Variants in TXNDC16 observed in about 807,000 individuals in gnomAD.
TXNDC16 encodes the protein thioredoxin domain containing 16.
A neutral mutation model predicts 85.6 loss-of-function variants in TXNDC16; 74 were observed. The observed-to-expected ratio is 0.86, with a 90% CI of 0.72 to 1.05. The LOEUF (loss-of-function observed/expected upper bound fraction) is 1.05, where lower values mean the gene tolerates loss of function less well. TXNDC16 is among the 50% of genes least tolerant of loss of function. TXNDC16 has a pLI of 0.00. For synonymous variants in TXNDC16, 335 were observed against 326.5 expected, an observed-to-expected ratio of 1.03 and a Z score of -0.28; for missense variants, 959 against 947.0, an observed-to-expected ratio of 1.01 and a Z score of -0.17.
intron 16 of TXNDC16, among the ~76,000 whole-genome samples, chr14:52,466,990 A>G (rs1236757550): frequency 6.6e-6 from 1 of 152,026 alleles, no homozygotes; most frequent in Non-Finnish European, 1.5e-5. Flanking sequence ...AGTCAATAGA[A>G]AAAAAAACAA....
chr14:52,548,547 G>T (rs1209813773), intron 1 of TXNDC16, among the ~76,000 whole-genome samples: 2 of 152,150 alleles, frequency 1.3e-5, no homozygotes, highest in African/African-American at 2.4e-5. Context: ...ATAGCCTCCA[G>T]TGGTATACCG....
At chr14:52,461,521 A>G (rs2035652394) in intron 16 of TXNDC16, among the ~76,000 whole-genome samples, 1 of 152,224 alleles carries the variant, frequency 6.6e-6, no homozygotes, top group South Asian at 2.1e-4. Context: ...ATTATGACAC[A>G]GGTACCCTCC....
chr14:52,540,408 C>T lies in TXNDC16; in HGVS notation c.243+1963G>A, dbSNP rs574909249. Among the ~76,000 whole-genome samples the T allele has an allele frequency of 2.6e-4, 40 of 152,024 alleles. No individual in the cohort carries two copies. The Middle Eastern group carries it at 0.01, about 39-fold the overall frequency. On this transcript the variant is annotated intron_variant, in intron 4 of 20. Transcript: ENST00000281741. ...GGGAGGCTGAGGCAGGAGGAACACC[C>T]GAAGTCAGGAGTTTGAGACCAGCCT...
chr14:52,447,604 G>A (rs1025502252), intron 18 of TXNDC16, among the ~76,000 whole-genome samples: 1 of 152,124 alleles, frequency 6.6e-6, no homozygotes, highest in Non-Finnish European at 1.5e-5. Flanking sequence ...GAAAGTAAGA[G>A]AAGAGAACAC....
chr14:52,541,625 G>A (rs1379074493), intron 4 of TXNDC16, among the ~76,000 whole-genome samples: 2 of 152,170 alleles, frequency 1.3e-5, no homozygotes, highest in Non-Finnish European at 2.9e-5. Flanking sequence ...GACCAAGAGC[G>A]ACCATAGCCA....
chr14:52,457,294 G>A, intron 16 of TXNDC16, 120 bp from the exon 17 acceptor site: 1 of 533,238 alleles, frequency 1.9e-6, no homozygotes, highest in Non-Finnish European at 3.2e-6. Context: ...AAATATTTAA[G>A]TGCAGATGTC....
intron 3 of TXNDC16, 78 bp from the exon 4 acceptor site, chr14:52,542,531 GATTC>G: frequency 1.0e-6 from 1 of 981,000 alleles, no homozygotes. Context: ...ACACAGAATA[GATTC>G]ATTTGTCCAA....
In TXNDC16 at chr14:52,515,683, G is replaced by A. The variant is rs943942119; in HGVS notation, c.515-713C>T. ...ATTTCATACATATGTGTGTGTGTGT[G>A]TGTGTGTGTGTGTGTGTGTGTGTGT... On this transcript the variant is annotated intron_variant, in intron 7 of 20. Transcript: ENST00000281741. Among the ~76,000 whole-genome samples, 159 of 151,030 alleles carry A rather than the reference G, an allele frequency of 1.1e-3. 2 individuals carry two copies. Among genetic ancestry groups the A allele is most frequent in the Non-Finnish European group, 1.6e-3 (111 of 67,692 alleles).
chr14:52,467,034 C>T (rs958322640), intron 16 of TXNDC16, among the ~76,000 whole-genome samples: 4 of 151,590 alleles, frequency 2.6e-5, no homozygotes, highest in Admixed American at 6.6e-5. Flanking sequence ...AGAGACTTGA[C>T]TCTATATTCA....
intron 4 of TXNDC16, among the ~76,000 whole-genome samples, chr14:52,539,456 C>A (rs2037779430): frequency 6.6e-6 from 1 of 152,146 alleles, no homozygotes; most frequent in Admixed American, 6.5e-5. Context: ...AAAATGAGAT[C>A]AGAGACAAAG....
intron 9 of TXNDC16, among the ~76,000 whole-genome samples, chr14:52,499,521 G>A (rs2036607279): frequency 2.6e-5 from 4 of 151,024 alleles, no homozygotes; most frequent in African/African-American, 7.3e-5. Flanking sequence ...AAGCATATGA[G>A]ACGATACTCA....
intron 6 of TXNDC16, among the ~76,000 whole-genome samples, chr14:52,522,019 G>C (rs1383287783): frequency 1.3e-5 from 2 of 152,196 alleles, no homozygotes; most frequent in Admixed American, 6.5e-5. Context: ...TGGAGTCTCA[G>C]TGGCAAGCTG....
intron 4 of TXNDC16, among the ~76,000 whole-genome samples, chr14:52,538,412 AATAT>A (rs2037751852): frequency 1.3e-5 from 2 of 152,344 alleles, no homozygotes; most frequent in Non-Finnish European, 2.9e-5. Flanking sequence ...AAGTGAAAAA[AATAT>A]ATAATAACAA....
At chr14:52,478,592 T>C (rs2036071495) in intron 14 of TXNDC16, among the ~76,000 whole-genome samples, 1 of 152,042 alleles carries the variant, frequency 6.6e-6, no homozygotes, top group Non-Finnish European at 1.5e-5. Context: ...CCTGGAAAGA[T>C]ACAACCTTCT....
At chr14:52,497,002 A>T (rs1315269996) in intron 9 of TXNDC16, among the ~76,000 whole-genome samples, 1 of 152,156 alleles carries the variant, frequency 6.6e-6, no homozygotes, top group South Asian at 2.1e-4. Flanking sequence ...AGTATCATAA[A>T]AATTATAACT....
chr14:52,484,301 G>A (rs11157914), intron 12 of TXNDC16, among the ~76,000 whole-genome samples: 72,294 of 151,592 alleles, frequency 0.48, 17,663 homozygotes, highest in East Asian at 0.7. Flanking sequence ...CCGTATGTTC[G>A]TAATTCTCTG....
At chr14:52,432,741 T>C (rs1302621275) in intron 20 of TXNDC16, among the ~76,000 whole-genome samples, 154 bp from the exon 21 acceptor site, 1 of 152,184 alleles carries the variant, frequency 6.6e-6, no homozygotes, top group Non-Finnish European at 1.5e-5. Flanking sequence ...TTTTTTACTG[T>C]CATTGTCAAC....
In TXNDC16 at chr14:52,439,412, T is replaced by C. The variant is rs1286479424; in HGVS notation, c.2004-18A>G. ...TATTCTTTCTGCAAAAGGGAACAAT[T>C]GAACATATTAATATTTCTTTCTACA... On this transcript the variant is annotated intron_variant, in intron 19 of 20. Transcript: ENST00000281741. 3 of 1,592,654 alleles carry C rather than the reference T, an allele frequency of 1.9e-6. No homozygotes were observed. Among genetic ancestry groups the C allele is most frequent in the Non-Finnish European group, 2.6e-6 (3 of 1,167,564 alleles).
intron 1 of TXNDC16, among the ~76,000 whole-genome samples, chr14:52,548,261 G>A (rs1277014568): frequency 6.6e-6 from 1 of 152,156 alleles, no homozygotes; most frequent in African/African-American, 2.4e-5. Context: ...AGGGGTCGGG[G>A]GCTCCTTGCT....
Sources: allele counts gnomAD v4.1 joint callset (sites outside exome capture counted in the v4.1 genomes callset), GRCh38; gene constraint gnomAD v4.1.1; transcripts MANE v1.5; gene names NCBI Gene and HGNC (gene_info 2026-07-23, HGNC 2026-07-21).